POU6F1: variants seen among roughly 807,000 people sequenced by gnomAD.
POU6F1 encodes POU domain, class 6, transcription factor 1.
A neutral mutation model predicts 28.9 loss-of-function variants in POU6F1; 9 were observed. That is an observed-to-expected ratio of 0.31 (90% CI 0.19 to 0.54). The LOEUF is 0.54. Among genes scored for constraint, POU6F1 ranks in the 20% least tolerant of loss-of-function variants. POU6F1 has a pLI of 0.94. For missense variants in POU6F1, 338 were observed against 426.1 expected (o/e 0.79, Z 1.82); for synonymous variants, 173 against 171.1 (o/e 1.01, Z -0.09).
At chr12:51,206,701 G>A in intron 2 of POU6F1, 88 bp downstream of exon 2, 1 of 398,484 alleles carries the variant, frequency 2.5e-6, no homozygotes, top group Non-Finnish European at 4.4e-6. Flanking sequence ...AAGAAACAGA[G>A]AGTGAAGGGC....
intron 1 of POU6F1, 83 bp from the exon 2 acceptor site, chr12:51,206,966 A>T (rs1188990206): frequency 5.1e-6 from 2 of 395,758 alleles, no homozygotes; most frequent in Admixed American, 4.4e-5. Flanking sequence ...GTCAGAATAG[A>T]ATCACAGAAG....
chr12:51,209,018 A>G (rs76152244), intron 1 of POU6F1, among the ~76,000 whole-genome samples: 1 of 152,140 alleles, frequency 6.6e-6, no homozygotes. Flanking sequence ...TCACCAGACA[A>G]CACCACCTTG....
At chr12:51,213,187 T>G (rs1944116942) in intron 1 of POU6F1, among the ~76,000 whole-genome samples, 1 of 152,214 alleles carries the variant, frequency 6.6e-6, no homozygotes, top group South Asian at 2.1e-4. Flanking sequence ...TTCACCCGCC[T>G]TGGCCTCCCA....
rs1256812816 is a variant in POU6F1 at position 51,192,466 on chromosome 12, C to T, written c.1185G>A (p.Gln395=). Residue 395 remains glutamine, a synonymous_variant, in exon 9 of 11, where the codon CAG becomes CAA. Coordinates refer to ENST00000333640, the MANE Select transcript of POU6F1 (RefSeq NM_001330422.2). The stretch of plus-strand genomic sequence containing the variant: ...GCACGGTTGGTGTGGGCTGGATGGG[C>T]TGCACCTGTGAAAGGACAGACAACA... The part of the protein sequence containing the change: ...TPESPAKSEV[Q]PIQPTPTVPQ... 6.2e-6 allele frequency: 10 copies of T among 1,612,902 alleles called. No homozygotes were observed.
In POU6F1 at chr12:51,199,614, C is replaced by T. The variant is rs1163795035; in HGVS notation, c.366+133G>A. On this transcript the variant is annotated intron_variant, in intron 4 of 10. Transcript: ENST00000333640. This position sits in a 1 kb window ranked among gnomAD's most constrained non-coding sequence, Gnocchi z 4.1. Reference sequence around the variant, plus strand: ...CTGGATGTGCCTAGTGGGAGAGTCCCTCCCTCAAGCCATAGCCCCTTCCCT... The same window carrying T: ...CTGGATGTGCCTAGTGGGAGAGTCCTTCCCTCAAGCCATAGCCCCTTCCCT... The T allele has an allele frequency of 1.5e-5, 6 of 398,116 alleles. No homozygotes were observed. Among genetic ancestry groups the T allele is most frequent in the Non-Finnish European group, 2.7e-5 (6 of 225,988 alleles). The allele number at this position is 398,116 out of a possible 1,614,324, so 24.7% of individuals were successfully genotyped here. A position where few individuals can be genotyped will look rare whatever the true frequency, so the allele number is the denominator to read the frequency against.
chr12:51,198,224 T>C (rs1342727410), intron 5 of POU6F1: 1 of 397,154 alleles, frequency 2.5e-6, no homozygotes, highest in Non-Finnish European at 4.4e-6. Context: ...CCAGGAGATG[T>C]GTAGGTTCAA....
chr12:51,214,683 A>C (rs7953955), intron 1 of POU6F1, among the ~76,000 whole-genome samples: 1 of 151,966 alleles, frequency 6.6e-6, no homozygotes, highest in African/African-American at 2.4e-5. Context: ...CACACCTGTA[A>C]TCCCAGCACT....
At chr12:51,215,758 A>G (rs1187054497) in intron 1 of POU6F1, among the ~76,000 whole-genome samples, 1 of 152,066 alleles carries the variant, frequency 6.6e-6, no homozygotes, top group African/African-American at 2.4e-5. Context: ...AGGCAGGTTT[A>G]AAGGCAGAAG....
intron 1 of POU6F1, among the ~76,000 whole-genome samples, chr12:51,216,539 T>A (rs1301564619): frequency 6.6e-6 from 1 of 152,154 alleles, no homozygotes; most frequent in African/African-American, 2.4e-5. Flanking sequence ...AATGAAGAAA[T>A]GAAGTTCTAC....
Position 51,190,148 on chromosome 12 carries a change from T to A in POU6F1, c.*99A>T. ...TCTGATGACCTGGGGTGAGCACAGC[T>A]GCACGTGGCAAAATGACAGGTGCTG... On this transcript the variant is annotated 3_prime_UTR_variant, in exon 11 of 11. Transcript: ENST00000333640. This position sits in a 1 kb window ranked among gnomAD's most constrained non-coding sequence, Gnocchi z 4.5. The A allele has an allele frequency of 6.7e-7, 1 of 1,501,248 alleles. No homozygotes were observed. Among genetic ancestry groups the A allele is most frequent in the Middle Eastern group, 2.4e-4 (1 of 4,138 alleles). 93.0% of individuals were successfully genotyped at this position (1,501,248 alleles called of 1,614,324 possible).
Position 51,190,596 on chromosome 12 carries a change from T to C in POU6F1, c.1491-4A>G. 3 of 1,611,472 alleles carry C rather than the reference T, an allele frequency of 1.9e-6. No homozygotes were observed. The highest frequency in any genetic ancestry group is 2.5e-6 in the Non-Finnish European group (3 of 1,178,206). ...TGTGATGTCTAGCTTCTCGAACCTG[T>C]GGGCAACCCATACCCAGGAAGAGGC... On this transcript the variant is annotated splice_region_variant and splice_polypyrimidine_tract_variant and intron_variant, in intron 10 of 10. Coordinates refer to ENST00000333640, the MANE Select transcript of POU6F1 (RefSeq NM_001330422.2). The surrounding 1 kb of genome is among the most constrained non-coding windows in gnomAD (Gnocchi z 4.5).
At position 51,190,404 on chromosome 12, in the gene POU6F1, T is replaced by G; in HGVS notation, c.1679A>C (p.Asn560Thr). ...SFTPQAIEAL[N>T]AYFEKNPLPT... ...CAGTGGGTTCTTCTCAAAATAGGCA[T>G]TGAGAGCCTCTATGGCCTGGGGGGT... The change falls in exon 11 of 11, where the codon AAT becomes ACT. Residue 560 changes from asparagine (N) to threonine (T), a missense_variant. Around this residue, in one of 3 missense-constraint regions of POU6F1, gnomAD observed 126 missense variants for 176.5 expected, o/e 0.71. Coordinates refer to ENST00000333640, the MANE Select transcript of POU6F1 (RefSeq NM_001330422.2). This position sits in a 1 kb window ranked among gnomAD's most constrained non-coding sequence, Gnocchi z 4.5. The G allele has an allele frequency of 6.2e-7, 1 of 1,614,070 alleles. No homozygotes were observed. Among genetic ancestry groups the G allele is most frequent in the Non-Finnish European group, 8.5e-7 (1 of 1,179,992 alleles).
intron 3 of POU6F1, chr12:51,201,867 T>C (rs1046244792): frequency 1.3e-5 from 2 of 151,824 alleles, no homozygotes; most frequent in Non-Finnish European, 2.9e-5. Flanking sequence ...TGTTTTTTTT[T>C]TTTTTTTTCT....
At position 51,206,837 on chromosome 12, in the gene POU6F1, G is replaced by A. The variant is rs890735491; in HGVS notation, c.-1C>T. 6 of 398,594 alleles carry A rather than the reference G, an allele frequency of 1.5e-5. No homozygotes were observed. The highest frequency in any genetic ancestry group is 1.2e-4 in the African/African-American group (6 of 48,482). The allele number at this position is 398,594 out of a possible 1,614,324, so 24.7% of individuals were successfully genotyped here. On this transcript the variant is annotated 5_prime_UTR_variant, in exon 2 of 11. Coordinates refer to ENST00000333640, the MANE Select transcript of POU6F1 (RefSeq NM_001330422.2). Reference sequence around the variant, plus strand: ...TCTCTGACCCGGCTCCAGGATCCATGGTCACTTGTCAGGGTCGGGTGGGGG... The same window carrying A: ...TCTCTGACCCGGCTCCAGGATCCATAGTCACTTGTCAGGGTCGGGTGGGGG...
intron 7 of POU6F1, 143 bp from the exon 8 acceptor site, chr12:51,196,316 TGCAGGATTCAC>T (rs1942824541): frequency 1.5e-6 from 1 of 683,728 alleles, no homozygotes; most frequent in Non-Finnish European, 2.4e-6. Flanking sequence ...ATGAGTAAAA[TGCAGGATTCAC>T]ACTCTAAGGG....
rs112052453 is a variant in POU6F1 at position 51,196,252 on chromosome 12, A to T, written c.976-79T>A. 2.8e-5 allele frequency: 34 copies of T among 1,206,080 alleles called. No homozygotes were observed. In the African/African-American group the frequency reaches 4.8e-4, roughly 17 times the overall value. The allele number at this position is 1,206,080 out of a possible 1,614,324, so 74.7% of individuals were successfully genotyped here. Reference sequence around the variant, plus strand: ...CCCAAACCCAGATCCCCACACCACCAGGGGAACAGACTAATGGACAAATCC... The same window carrying T: ...CCCAAACCCAGATCCCCACACCACCTGGGGAACAGACTAATGGACAAATCC... On this transcript the variant is annotated intron_variant, in intron 7 of 10. Coordinates refer to ENST00000333640, the MANE Select transcript of POU6F1 (RefSeq NM_001330422.2).
chr12:51,212,327 C>T (rs1231145416), intron 1 of POU6F1, among the ~76,000 whole-genome samples: 1 of 151,648 alleles, frequency 6.6e-6, no homozygotes, highest in Non-Finnish European at 1.5e-5. Flanking sequence ...CTCCTGACCT[C>T]GTGATCTGCC....
chr12:51,203,820 AGACTG>A (rs1293835120), intron 3 of POU6F1, among the ~76,000 whole-genome samples: 1 of 152,120 alleles, frequency 6.6e-6, no homozygotes, highest in East Asian at 1.9e-4. Flanking sequence ...TTAATGAGGA[AGACTG>A]ATGAGAGGGT....
At chr12:51,203,075 T>C (rs747665448) in intron 3 of POU6F1, among the ~76,000 whole-genome samples, 1 of 151,836 alleles carries the variant, frequency 6.6e-6, no homozygotes, top group Non-Finnish European at 1.5e-5. Flanking sequence ...TAAAATTCCT[T>C]TATAGAGGAG....
Sources: allele counts gnomAD v4.1 joint callset (sites outside exome capture counted in the v4.1 genomes callset), GRCh38; gene constraint gnomAD v4.1.1; regional missense constraint gnomAD v4.1.1; non-coding constraint Gnocchi (gnomAD v3.1); transcripts MANE v1.5; gene names NCBI Gene and HGNC (gene_info 2026-07-23, HGNC 2026-07-21).